Variants in PARVB observed in about 807,000 individuals in gnomAD.
The protein encoded by PARVB is beta-parvin.
In PARVB, 46 loss-of-function variants were observed where a neutral mutation model predicts 47.0. The observed-to-expected ratio is 0.98, with a 90% CI of 0.77 to 1.25. The LOEUF is 1.25. PARVB is among the 50% of genes most tolerant of loss of function. The pLI is 0.00. For synonymous variants in PARVB, 196 were observed against 196.3 expected (o/e 1.00, Z 0.01); for missense variants, 473 against 471.6 (o/e 1.00, Z -0.03).
chr22:44,056,957 TGAGCTGGGGGTG>T (rs1190750265), intron 1 of PARVB, among the ~76,000 whole-genome samples: 1 of 60,570 alleles, frequency 1.7e-5, no homozygotes, highest in African/African-American at 6.3e-5. Flanking sequence ...AGCTGGGGGC[TGAGCTGGGGGTG>T]GAGCTGGGGG....
At chr22:44,080,479 G>C (rs897733495) in intron 1 of PARVB, among the ~76,000 whole-genome samples, 2 of 152,164 alleles carry the variant, frequency 1.3e-5, no homozygotes, top group South Asian at 4.2e-4. Context: ...TGTCTCCTTC[G>C]CCACACCTCC....
At chr22:44,115,789 AAGGCCCTGCACCAACACAGATACATTGTT>A (rs1372379660) in intron 3 of PARVB, 15 of 131,946 alleles carry the variant, frequency 1.1e-4, no homozygotes, top group African/African-American at 4.7e-4. Flanking sequence ...GTTAGTAACT[AAGGCCCTGCACCAACACAGATACATTGTT>A]ACTAAGGCCC....
At chr22:44,056,692 G>T (rs915325823) in intron 1 of PARVB, among the ~76,000 whole-genome samples, 1 of 151,610 alleles carries the variant, frequency 6.6e-6, no homozygotes, top group African/African-American at 2.4e-5. Flanking sequence ...TATTTGTTGA[G>T]ATGGGGTTTC....
At chr22:44,028,155 C>T (rs890787643) in intron 1 of PARVB, among the ~76,000 whole-genome samples, 1 of 151,950 alleles carries the variant, frequency 6.6e-6, no homozygotes, top group African/African-American at 2.4e-5. Context: ...GTTGCTCTTG[C>T]CGTTGGACAT....
At chr22:44,058,363 A>G (rs975351507) in intron 1 of PARVB, among the ~76,000 whole-genome samples, 4 of 151,986 alleles carry the variant, frequency 2.6e-5, no homozygotes, top group Non-Finnish European at 4.4e-5. Context: ...GTCCCCCTTC[A>G]TGCCCCTCTG....
At chr22:44,007,108 C>T (rs1435970706) in intron 2 of PARVB, among the ~76,000 whole-genome samples, 1 of 152,236 alleles carries the variant, frequency 6.6e-6, no homozygotes, top group Non-Finnish European at 1.5e-5. Flanking sequence ...ACCTTCCGTT[C>T]ATTCAACCGT....
chr22:44,000,829 C>T (rs2050406044), intron 2 of PARVB, among the ~76,000 whole-genome samples: 1 of 152,198 alleles, frequency 6.6e-6, no homozygotes, highest in Non-Finnish European at 1.5e-5. Flanking sequence ...GTCTACCTGG[C>T]ACTGTGATTG....
chr22:44,156,519 C>T (rs2053938197), intron 10 of PARVB, among the ~76,000 whole-genome samples: 1 of 152,186 alleles, frequency 6.6e-6, no homozygotes, highest in East Asian at 1.9e-4. Context: ...CCTTGTGATC[C>T]ACCCACCTTG....
At chr22:44,106,234 C>T (rs1293100858) in intron 3 of PARVB, 1 of 142,046 alleles carries the variant, frequency 7.0e-6, no homozygotes, top group Non-Finnish European at 1.5e-5. Flanking sequence ...TTGGGGTAAA[C>T]CTGTGGATTG....
At chr22:44,083,790 G>A (rs1281550293) in intron 1 of PARVB, among the ~76,000 whole-genome samples, 1 of 152,150 alleles carries the variant, frequency 6.6e-6, no homozygotes, top group African/African-American at 2.4e-5. Flanking sequence ...GTTTTACCCT[G>A]GAGCTGGTGG....
chr22:44,087,984 CT>C (rs2052070961), intron 1 of PARVB, among the ~76,000 whole-genome samples: 1 of 151,838 alleles, frequency 6.6e-6, no homozygotes, highest in South Asian at 2.1e-4. Context: ...ATGCTGGCGA[CT>C]GTGCCGAGGG....
chr22:44,161,400 G>A (rs1221440398), intron 11 of PARVB, among the ~76,000 whole-genome samples: 1 of 143,548 alleles, frequency 7.0e-6, no homozygotes, highest in Non-Finnish European at 1.5e-5. Context: ...TGCAACCCCC[G>A]CCTCCTGGGT....
At chr22:44,090,853 C>A (rs1322268203) in intron 1 of PARVB, among the ~76,000 whole-genome samples, 1 of 152,246 alleles carries the variant, frequency 6.6e-6, no homozygotes, top group African/African-American at 2.4e-5. Flanking sequence ...ACCCCCTGTG[C>A]TCCAGGGCTA....
rs569968496 is a variant in PARVB at position 44,074,442 on chromosome 22, A to G, written c.113-19486A>G. 1.5e-3 allele frequency among the ~76,000 whole-genome samples: 221 copies of G among 152,264 alleles called. 1 individual carries two copies. Among genetic ancestry groups the G allele is most frequent in the Non-Finnish European group, 1.8e-3 (123 of 68,008 alleles). On this transcript the variant is annotated intron_variant, in intron 1 of 12. Transcript: ENST00000338758. ...GCCATCCCTGCATGGCCCCGCTGTC[A>G]CTGGTATCTGGAGATCACACCCAGC...
intron 12 of PARVB, among the ~76,000 whole-genome samples, chr22:44,165,830 GA>G (rs2054155529): frequency 2.0e-5 from 3 of 152,350 alleles, no homozygotes; most frequent in Admixed American, 2.0e-4. Flanking sequence ...CTGCTCCCAT[GA>G]GCACTGGAAG....
intron 4 of PARVB, among the ~76,000 whole-genome samples, chr22:44,120,587 C>T (rs573611915): frequency 6.6e-6 from 1 of 152,140 alleles, no homozygotes; most frequent in Non-Finnish European, 1.5e-5. Flanking sequence ...ATTGGTGGTG[C>T]TGACAGTTTG....
chr22:44,007,978 C>T lies in PARVB; in HGVS notation c.211+8305C>T, dbSNP rs181359914. ...GCATCATGTCCTCAAAGTTCATCTG[C>T]GTTGTAGGCTGAGTCAGAATTTCAT... On this transcript the variant is annotated intron_variant, in intron 2 of 13. Coordinates refer to the PARVB transcript ENST00000406477. 4.9e-4 allele frequency among the ~76,000 whole-genome samples: 75 copies of T among 152,308 alleles called. 2 individuals carry two copies. Among genetic ancestry groups the T allele is most frequent in the African/African-American group, 1.7e-3 (69 of 41,568 alleles).
intron 11 of PARVB, among the ~76,000 whole-genome samples, chr22:44,163,302 C>CT (rs2054092734): frequency 6.6e-6 from 1 of 151,894 alleles, no homozygotes. Context: ...AAACCCGTCT[C>CT]TAAAAAAAAT....
intron 2 of PARVB, among the ~76,000 whole-genome samples, chr22:44,018,387 A>C (rs2050607673): frequency 6.6e-6 from 1 of 152,086 alleles, no homozygotes; most frequent in East Asian, 1.9e-4. Flanking sequence ...GGGCGACAAG[A>C]ATGAAACTCC....
Sources: allele counts gnomAD v4.1 joint callset (sites outside exome capture counted in the v4.1 genomes callset), GRCh38; gene constraint gnomAD v4.1.1; transcripts MANE v1.5; gene names NCBI Gene and HGNC (gene_info 2026-07-23, HGNC 2026-07-21).